The following DPYD variants were observed in gnomAD, a reference collection of about 807,000 sequenced individuals.
DPYD encodes the protein dihydropyrimidine dehydrogenase.
A neutral mutation model predicts 116.2 loss-of-function variants in DPYD; 109 were observed. The ratio of observed to expected loss-of-function variants is 0.94; its 90% CI spans 0.80 to 1.10. The LOEUF (loss-of-function observed/expected upper bound fraction) is 1.10. Ranked by LOEUF, DPYD falls within the 50% of genes least tolerant of loss-of-function variation. DPYD has a pLI of 0.00. For missense variants in DPYD, 1,302 were observed against 1,254.5 expected (o/e 1.04, Z -0.57); for synonymous variants, 440 against 432.0 (o/e 1.02, Z -0.23).
intron 20 of DPYD, among the ~76,000 whole-genome samples, chr1:97,118,664 A>G (rs957757793): frequency 1.3e-5 from 2 of 152,218 alleles, no homozygotes; most frequent in Non-Finnish European, 2.9e-5. Context: ...TTTGTTTTAA[A>G]TATTTTTTCT....
intron 5 of DPYD, among the ~76,000 whole-genome samples, chr1:97,706,866 T>TA (rs1661991676): frequency 1.3e-5 from 2 of 152,070 alleles, no homozygotes. Flanking sequence ...CTCTTTGGGG[T>TA]AAATTGCCAG....
intron 18 of DPYD, among the ~76,000 whole-genome samples, chr1:97,290,322 T>C (rs1361582140): frequency 1.3e-5 from 2 of 151,770 alleles, no homozygotes; most frequent in Non-Finnish European, 2.9e-5. Flanking sequence ...CTTCACAGAA[T>C]TGGAAAAAAC....
intron 14 of DPYD, among the ~76,000 whole-genome samples, chr1:97,419,664 A>C (rs1478950075): frequency 6.6e-6 from 1 of 152,174 alleles, no homozygotes; most frequent in Non-Finnish European, 1.5e-5. Context: ...TTATAAAAAT[A>C]TATTTTTTAT....
intron 16 of DPYD, among the ~76,000 whole-genome samples, chr1:97,344,940 C>T (rs1046349157): frequency 6.6e-6 from 1 of 151,900 alleles, no homozygotes; most frequent in African/African-American, 2.4e-5. Context: ...TCACTTTCCA[C>T]TAGTAAAATA....
chr1:97,718,562 C>T (rs972807068), intron 5 of DPYD, among the ~76,000 whole-genome samples: 1 of 151,642 alleles, frequency 6.6e-6, no homozygotes, highest in African/African-American at 2.4e-5. Flanking sequence ...ATAAATTTTC[C>T]AGCTCTCATT....
chr1:97,662,900 T>G (rs1424521267), intron 8 of DPYD, among the ~76,000 whole-genome samples: 1 of 152,198 alleles, frequency 6.6e-6, no homozygotes, highest in Admixed American at 6.5e-5. Flanking sequence ...GTCACACAGT[T>G]TCACTGGGCT....
chr1:97,804,562 A>G (rs1264776418), intron 3 of DPYD, among the ~76,000 whole-genome samples: 2 of 151,950 alleles, frequency 1.3e-5, no homozygotes, highest in East Asian at 3.9e-4. Flanking sequence ...TATGTCATTG[A>G]TATTTATCTT....
chr1:97,142,654 T>C (rs572281601), intron 20 of DPYD, among the ~76,000 whole-genome samples: 1 of 152,246 alleles, frequency 6.6e-6, no homozygotes, highest in African/African-American at 2.4e-5. Flanking sequence ...AATAATCTGT[T>C]ATTTTTTTTT....
At chr1:97,809,306 T>A (rs1455094111) in intron 3 of DPYD, among the ~76,000 whole-genome samples, 3 of 152,094 alleles carry the variant, frequency 2.0e-5, no homozygotes, top group Non-Finnish European at 4.4e-5. Context: ...CACATACACA[T>A]ACACACACAG....
At chr1:97,165,747 T>C (rs1656275348) in intron 20 of DPYD, among the ~76,000 whole-genome samples, 1 of 151,992 alleles carries the variant, frequency 6.6e-6, no homozygotes, top group Non-Finnish European at 1.5e-5. Flanking sequence ...AACCCCTTAA[T>C]AAGTGGGCAA....
chr1:97,218,022 G>T (rs1319292927), intron 19 of DPYD, among the ~76,000 whole-genome samples: 1 of 152,130 alleles, frequency 6.6e-6, no homozygotes, highest in Non-Finnish European at 1.5e-5. Context: ...AATTTATCCA[G>T]CTAGTAAATG....
At chr1:97,725,571 T>C (rs771748321) in intron 4 of DPYD, among the ~76,000 whole-genome samples, 4 of 151,630 alleles carry the variant, frequency 2.6e-5, no homozygotes, top group Non-Finnish European at 5.9e-5. Flanking sequence ...ATAATCAAGA[T>C]AGTATGGTAC....
At chr1:97,081,790 A>C (rs1466456481) in intron 22 of DPYD, among the ~76,000 whole-genome samples, 1 of 147,434 alleles carries the variant, frequency 6.8e-6, no homozygotes, top group Non-Finnish European at 1.5e-5. Context: ...GCTATGGCTC[A>C]CTTCATGAGG....
At chr1:97,654,475 A>G (rs1029143973) in intron 8 of DPYD, among the ~76,000 whole-genome samples, 2 of 152,160 alleles carry the variant, frequency 1.3e-5, no homozygotes, top group African/African-American at 4.8e-5. Context: ...ACCCTTTAAT[A>G]TTCATAAAAG....
intron 16 of DPYD, among the ~76,000 whole-genome samples, chr1:97,362,240 T>G (rs1336852703): frequency 6.6e-6 from 1 of 152,126 alleles, no homozygotes; most frequent in Non-Finnish European, 1.5e-5. Context: ...GAATGCAACT[T>G]ACAAGGGATG....
intron 1 of DPYD, among the ~76,000 whole-genome samples, chr1:97,895,259 G>A (rs1292651180): frequency 6.6e-6 from 1 of 151,670 alleles, no homozygotes; most frequent in East Asian, 1.9e-4. Context: ...ATTTACAAAA[G>A]ACACTGCTCA....
At chr1:97,370,071 T>G (rs1671240035) in intron 16 of DPYD, among the ~76,000 whole-genome samples, 1 of 152,308 alleles carries the variant, frequency 6.6e-6, no homozygotes, top group Admixed American at 6.5e-5. Flanking sequence ...TAAATAGTGC[T>G]GCAATAAACA....
At chr1:97,384,274 A>G (rs1396279843) in intron 14 of DPYD, among the ~76,000 whole-genome samples, 1 of 151,932 alleles carries the variant, frequency 6.6e-6, no homozygotes, top group Admixed American at 6.6e-5. Flanking sequence ...TATGCTGTAA[A>G]AGTCAGATAA....
intron 5 of DPYD, among the ~76,000 whole-genome samples, chr1:97,715,980 G>C (rs556322255): frequency 6.6e-6 from 1 of 152,176 alleles, no homozygotes; most frequent in African/African-American, 2.4e-5. Flanking sequence ...TATGGTAGAA[G>C]TAATATTTGC....
Sources: gnomAD v4.1 joint callset for allele counts (sites outside exome capture counted in the v4.1 genomes callset) on GRCh38, gnomAD v4.1.1 for gene constraint, MANE v1.5 for transcripts, NCBI Gene and HGNC (gene_info 2026-07-23, HGNC 2026-07-21) for gene names.